The following CPA5 variants were observed in gnomAD, a reference collection of about 807,000 sequenced individuals.
The protein encoded by CPA5 is testicular tissue protein Li 32.
CPA5 carries 38 observed loss-of-function variants against 52.2 expected under a neutral mutation model. The ratio of observed to expected loss-of-function variants is 0.73; its 90% CI spans 0.56 to 0.95. The LOEUF is 0.95. CPA5 is among the 40% of genes least tolerant of loss of function. The pLI, the probability that CPA5 is intolerant of heterozygous loss-of-function variation, is 0.00. For synonymous variants in CPA5, 198 were observed against 213.7 expected (o/e 0.93, Z 0.64); for missense variants, 519 against 566.7 (o/e 0.92, Z 0.86).
chr7:130,362,031 C>A (rs945324934), intron 7 of CPA5, among the ~76,000 whole-genome samples: 2 of 152,120 alleles, frequency 1.3e-5, no homozygotes, highest in African/African-American at 4.8e-5. Context: ...AAAGCACGGC[C>A]CCTGCATGGC....
intron 6 of CPA5, among the ~76,000 whole-genome samples, 154 bp from the exon 7 acceptor site, chr7:130,360,989 C>T (rs949460780): frequency 1.3e-5 from 2 of 152,132 alleles, no homozygotes; most frequent in Non-Finnish European, 2.9e-5. Context: ...TCTATTTTTG[C>T]AATTCTTTAT....
intron 5 of CPA5, 52 bp from the exon 6 acceptor site, chr7:130,359,537 T>A: frequency 7.2e-7 from 1 of 1,379,408 alleles, no homozygotes; most frequent in Non-Finnish European, 1.0e-6. Flanking sequence ...AGAAGAGGCA[T>A]AGCCAGCCCA....
At position 130,349,426 on chromosome 7, in the gene CPA5, A is replaced by G. The variant is rs559163427; in HGVS notation, c.199-549A>G. Among the ~76,000 whole-genome samples the G allele has an allele frequency of 4.0e-5, 6 of 151,016 alleles. 1 individual carries two copies. The South Asian group carries it at 1.3e-3, about 32-fold the overall frequency. On this transcript the variant is annotated intron_variant, in intron 4 of 12. Transcript: ENST00000474905. The stretch of plus-strand genomic sequence containing the variant: ...CCCAGCCTGGGCGAAACTCCATCTC[A>G]AAAAAAAAATTTATAAGTTAAACTT...
downstream of CPA5, among the ~76,000 whole-genome samples, chr7:130,369,636 CGT>C (rs148171890): frequency 4.2e-3 from 629 of 151,226 alleles, 4 homozygotes; most frequent in Non-Finnish European, 4.6e-3. Flanking sequence ...TGTGTGTGTG[CGT>C]GTGTGTGTGT....
chr7:130,369,117 A>G (rs546048334), downstream of CPA5, among the ~76,000 whole-genome samples: 1 of 152,190 alleles, frequency 6.6e-6, no homozygotes, highest in Admixed American at 6.5e-5. Flanking sequence ...TTTGGAGGTT[A>G]CCACTCACCC....
At chr7:130,363,805 A>G (rs1795929630) in intron 10 of CPA5, among the ~76,000 whole-genome samples, 1 of 152,170 alleles carries the variant, frequency 6.6e-6, no homozygotes, top group South Asian at 2.1e-4. Flanking sequence ...CAAATCCTAA[A>G]TATGACAGAG....
Position 130,350,065 on chromosome 7 carries a change from G to T in CPA5, c.289G>T (p.Glu97Ter). 3.7e-6 allele frequency: 6 copies of T among 1,613,950 alleles called. No homozygotes were observed. The highest frequency in any genetic ancestry group is 5.1e-6 in the Non-Finnish European group (6 of 1,179,954). Reference sequence around the variant, plus strand: ...ACTGAAAGACATCAAAGCTTATCTGGAGTCTCATGGACTTGCTTACAGCAT... The same window carrying T: ...ACTGAAAGACATCAAAGCTTATCTGTAGTCTCATGGACTTGCTTACAGCAT... ...SELKDIKAYL[E>*]SHGLAYSIMI... Residue 97 changes from glutamate (E) to a stop codon, truncating the protein, a stop_gained, in exon 5 of 13, where the codon GAG (glutamate) becomes TAG (stop). Coordinates refer to ENST00000474905, the MANE Select transcript of CPA5 (RefSeq NM_080385.5). LOFTEE classifies it high-confidence loss of function.
At chr7:130,354,251 C>T (rs1486611428) in intron 5 of CPA5, among the ~76,000 whole-genome samples, 2 of 152,038 alleles carry the variant, frequency 1.3e-5, no homozygotes, top group Admixed American at 6.6e-5. Context: ...TAAATTGTAC[C>T]CTTCTTCCCC....
At chr7:130,347,955 C>T in intron 4 of CPA5, 108 bp downstream of exon 4, 2 of 790,794 alleles carry the variant, frequency 2.5e-6, no homozygotes, top group Non-Finnish European at 4.2e-6. Flanking sequence ...CCTGAGGTCC[C>T]TGCAAAGAGC....
At chr7:130,368,847 C>A (rs1796247237), downstream of CPA5, 3 of 501,942 alleles carry the variant, frequency 6.0e-6, no homozygotes, top group Non-Finnish European at 7.0e-6. Flanking sequence ...CTGCACTCTC[C>A]AGTCTACCTT....
intron 5 of CPA5, among the ~76,000 whole-genome samples, chr7:130,353,234 CCT>C (rs1554404437): frequency 2.5e-5 from 1 of 39,634 alleles, no homozygotes; most frequent in Non-Finnish European, 6.0e-5. Context: ...CATCTCCATC[CCT>C]GTCCGCCAGC....
chr7:130,359,754 G>A, intron 6 of CPA5, 67 bp downstream of exon 6: 1 of 1,099,400 alleles, frequency 9.1e-7, no homozygotes, highest in Admixed American at 2.1e-5. Context: ...TCCTGACTCA[G>A]TCAGAAACTA....
In CPA5 at chr7:130,367,540, T is replaced by C. The variant is rs11761888; in HGVS notation, c.1007T>C (p.Leu336Ser). ...ATGCTTATGTACCCTTACGGCCGAT[T>C]GCTGGAGCCCGTTTCAAATCAGAGG... ...SQMLMYPYGR[L>S]LEPVSNQREL... Residue 336 changes from leucine to serine, a missense_variant, in exon 11 of 13, where the codon TTG becomes TCG. By Grantham distance (145) the Leu-to-Ser change is moderately radical (BLOSUM62 -2). Transcript: ENST00000474905. 0.21 allele frequency: 332,406 copies of C among 1,612,920 alleles called. 37,055 individuals are homozygous for C. Among genetic ancestry groups the C allele is most frequent in the African/African-American group, 0.38 (28,393 of 74,856 alleles).
In CPA5 at chr7:130,368,006, CT is replaced by C; in HGVS notation, c.1123+17del. ...ACCACCCTCTGTGAGTGAGCCTCCC[CT>C]GGCCCTGCTTCAGACACCACATCTA... On this transcript the variant is annotated intron_variant, in intron 12 of 12. Transcript: ENST00000474905. 6.2e-7 allele frequency: 1 copy of C among 1,609,930 alleles called. No individual in the cohort carries two copies. The highest frequency in any genetic ancestry group is 8.5e-7 in the Non-Finnish European group (1 of 1,176,130).
intron 12 of CPA5, 140 bp from the exon 13 acceptor site, chr7:130,368,270 T>C (rs1270241313): frequency 1.3e-6 from 1 of 788,596 alleles, no homozygotes; most frequent in East Asian, 2.6e-5. Context: ...GTTTGAGGCC[T>C]GGGCAGGAAG....
At chr7:130,357,646 T>G (rs1463634026) in intron 5 of CPA5, among the ~76,000 whole-genome samples, 1 of 151,868 alleles carries the variant, frequency 6.6e-6, no homozygotes, top group Non-Finnish European at 1.5e-5. Flanking sequence ...AAAGTTCTTA[T>G]TGAAGTAGTA....
At chr7:130,352,012 C>T (rs1166884363) in intron 5 of CPA5, among the ~76,000 whole-genome samples, 1 of 152,120 alleles carries the variant, frequency 6.6e-6, no homozygotes, top group Non-Finnish European at 1.5e-5. Flanking sequence ...CCAGTACCTA[C>T]CATAGGACCT....
chr7:130,353,395 GC>G (rs1554404492), intron 5 of CPA5, among the ~76,000 whole-genome samples: 1 of 152,000 alleles, frequency 6.6e-6, no homozygotes, highest in Non-Finnish European at 1.5e-5. Flanking sequence ...TCTTCCCCTG[GC>G]ATCCAGGACT....
intron 10 of CPA5, among the ~76,000 whole-genome samples, chr7:130,367,100 C>T (rs931290065): frequency 1.3e-5 from 2 of 152,148 alleles, no homozygotes; most frequent in Non-Finnish European, 2.9e-5. Flanking sequence ...GAGAGGGATC[C>T]AGGAGGCTGT....
Sources: allele counts gnomAD v4.1 joint callset (sites outside exome capture counted in the v4.1 genomes callset), GRCh38; gene constraint gnomAD v4.1.1; transcripts MANE v1.5; gene names NCBI Gene and HGNC (gene_info 2026-07-23, HGNC 2026-07-21).